The following CDC45 variants were observed in gnomAD, a reference collection of about 807,000 sequenced individuals.
CDC45 encodes cell division cycle 45, also known as cell division control protein 45 homolog.
A neutral mutation model predicts 77.8 loss-of-function variants in CDC45; 54 were observed. The ratio of observed to expected loss-of-function variants is 0.69; its 90% confidence interval spans 0.56 to 0.87. CDC45 has a LOEUF of 0.87. CDC45 is among the 40% of genes least tolerant of loss of function. CDC45 has a pLI of 0.00. For synonymous variants in CDC45, 260 were observed against 272.1 expected (o/e 0.96, Z 0.44); for missense variants, 649 against 721.6 (o/e 0.90, Z 1.15).
chr22:19,490,661 G>T (rs910029614), intron 5 of CDC45, among the ~76,000 whole-genome samples: 4 of 151,516 alleles, frequency 2.6e-5, no homozygotes, highest in Admixed American at 1.3e-4. Context: ...CAGCCACTGC[G>T]TCCAGCCTGT....
intron 5 of CDC45, among the ~76,000 whole-genome samples, chr22:19,493,873 C>T (rs1457534033): frequency 6.6e-6 from 1 of 152,216 alleles, no homozygotes. Flanking sequence ...CCACATTATT[C>T]CAGGCCTTTG....
chr22:19,495,844 G>C (rs542522322), intron 6 of CDC45, 137 bp from the exon 7 acceptor site: 500 of 730,994 alleles, frequency 6.8e-4, no homozygotes, highest in Middle Eastern at 1.5e-3. Context: ...AAAACCAAGA[G>C]TCAATATGTG....
intron 5 of CDC45, among the ~76,000 whole-genome samples, chr22:19,486,966 G>A (rs1249878252): frequency 6.7e-6 from 1 of 150,188 alleles, no homozygotes; most frequent in Non-Finnish European, 1.5e-5. Flanking sequence ...GTGAGCCACC[G>A]TGCCCGGCTG....
At chr22:19,482,615 A>G (rs1270289885) in intron 3 of CDC45, 75 bp from the exon 4 acceptor site, 22 of 1,498,156 alleles carry the variant, frequency 1.5e-5, no homozygotes, top group Non-Finnish European at 2.0e-5. Flanking sequence ...TAAGCAGAAC[A>G]ACTCAGAGGC....
chr22:19,480,741 C>T (rs749365562), intron 2 of CDC45, among the ~76,000 whole-genome samples: 1 of 152,118 alleles, frequency 6.6e-6, no homozygotes. Context: ...CATTTCTCCC[C>T]GATGTTTTAC....
intron 5 of CDC45, among the ~76,000 whole-genome samples, chr22:19,487,929 A>G (rs536908260): frequency 6.6e-5 from 10 of 151,850 alleles, no homozygotes; most frequent in Non-Finnish European, 7.4e-5. Flanking sequence ...AAAAAAAAAA[A>G]AAAGAGTTCT....
At chr22:19,498,029 C>T (rs919975552) in intron 8 of CDC45, among the ~76,000 whole-genome samples, 1 of 152,032 alleles carries the variant, frequency 6.6e-6, no homozygotes, top group Non-Finnish European at 1.5e-5. Flanking sequence ...AAAAAATTAG[C>T]CAGGCGTGGT....
At chr22:19,506,194 G>C (rs1421423375) in intron 10 of CDC45, among the ~76,000 whole-genome samples, 1 of 152,186 alleles carries the variant, frequency 6.6e-6, no homozygotes, top group Non-Finnish European at 1.5e-5. Flanking sequence ...CCCTGTCTCT[G>C]CACTGTGATG....
At chr22:19,481,884 C>T (rs2089989243) in intron 3 of CDC45, among the ~76,000 whole-genome samples, 1 of 152,136 alleles carries the variant, frequency 6.6e-6, no homozygotes, top group Non-Finnish European at 1.5e-5. Flanking sequence ...ATTGGCCAGG[C>T]TGGTCTCGAA....
chr22:19,491,684 G>A (rs1034775839), intron 5 of CDC45, among the ~76,000 whole-genome samples: 1 of 152,006 alleles, frequency 6.6e-6, no homozygotes, highest in African/African-American at 2.4e-5. Flanking sequence ...GTGTCTTGGT[G>A]TGGATTTGTG....
At chr22:19,500,619 T>C (rs984966013) in intron 9 of CDC45, among the ~76,000 whole-genome samples, 2 of 152,138 alleles carry the variant, frequency 1.3e-5, no homozygotes, top group African/African-American at 4.8e-5. Flanking sequence ...CACGAGGAGC[T>C]GACTAAACCA....
intron 5 of CDC45, among the ~76,000 whole-genome samples, chr22:19,492,729 T>G (rs2090171964): frequency 6.6e-6 from 1 of 152,196 alleles, no homozygotes; most frequent in Non-Finnish European, 1.5e-5. Context: ...TCTTTAAGTC[T>G]TCTGTTTTAG....
Position 19,505,476 on chromosome 22 carries a change from G to A in CDC45, c.819G>A (p.Glu273=), listed in dbSNP as rs766188414. Reference sequence around the variant, plus strand: ...TGGACTGCACACGGATCTCCTTTGAGTATGAGTATCCTTGTGGCCCAGCCT... The same window carrying A: ...TGGACTGCACACGGATCTCCTTTGAATATGAGTATCCTTGTGGCCCAGCCT... The part of the protein sequence containing the change: ...LSVDCTRISF[E]YDLRLVLYQH... Residue 273 remains glutamate, a synonymous_variant, in exon 10 of 19, where the codon GAG becomes GAA. Coordinates refer to ENST00000263201, the MANE Select transcript of CDC45 (RefSeq NM_003504.5). 1.5e-5 allele frequency: 25 copies of A among 1,613,996 alleles called. No homozygotes were observed. In the South Asian group the frequency reaches 2.4e-4, roughly 16 times the overall value.
intron 4 of CDC45, among the ~76,000 whole-genome samples, chr22:19,483,299 T>C (rs1385010547): frequency 6.6e-6 from 1 of 152,144 alleles, no homozygotes; most frequent in Non-Finnish European, 1.5e-5. Context: ...AGGCATAGTG[T>C]TGGACGCTTG....
intron 5 of CDC45, among the ~76,000 whole-genome samples, chr22:19,485,353 C>G (rs2090050102): frequency 6.6e-6 from 1 of 152,218 alleles, no homozygotes; most frequent in Non-Finnish European, 1.5e-5. Flanking sequence ...GCAAAGCTTT[C>G]CATTGGGGGA....
chr22:19,517,892 C>T (rs1408135960), intron 17 of CDC45, among the ~76,000 whole-genome samples: 1 of 152,240 alleles, frequency 6.6e-6, no homozygotes, highest in Admixed American at 6.5e-5. Flanking sequence ...GCTCATAACA[C>T]CCTCAGTACT....
intron 13 of CDC45, among the ~76,000 whole-genome samples, chr22:19,511,329 C>CTT (rs374439054): frequency 0.25 from 31,212 of 126,126 alleles, 5,502 homozygotes; most frequent in African/African-American, 0.49. Context: ...AGTCCTTTGT[C>CTT]TTTTTTTTTT....
Position 19,483,199 on chromosome 22 carries a change from G to A in CDC45, c.342+372G>A, listed in dbSNP as rs187945095. On this transcript the variant is annotated intron_variant, in intron 4 of 18. Transcript: ENST00000263201. ...TGTAATCCCAGCACTTTGGGAGGCC[G>A]AGGCAGGCGGATTACGAGGTCAGAA... 2.1e-4 allele frequency among the ~76,000 whole-genome samples: 32 copies of A among 152,294 alleles called. 1 individual carries two copies. The East Asian group carries it at 5.0e-3, about 24-fold the overall frequency.
chr22:19,509,570 A>G (rs1016133108), intron 13 of CDC45, among the ~76,000 whole-genome samples: 1 of 152,160 alleles, frequency 6.6e-6, no homozygotes, highest in Non-Finnish European at 1.5e-5. Flanking sequence ...TCAAAAAGTG[A>G]TTTCATCCTG....
Sources: allele counts gnomAD v4.1 joint callset (sites outside exome capture counted in the v4.1 genomes callset), GRCh38; gene constraint gnomAD v4.1.1; transcripts MANE v1.5; gene names NCBI Gene and HGNC (gene_info 2026-07-23, HGNC 2026-07-21).